CCDC171: variants seen among roughly 807,000 people sequenced by gnomAD.
The protein encoded by CCDC171 is coiled-coil domain-containing protein 171.
CCDC171 carries 177 observed loss-of-function variants against 168.2 expected under a neutral mutation model. That is an observed-to-expected ratio of 1.05 (90% CI 0.93 to 1.19). The LOEUF (loss-of-function observed/expected upper bound fraction) is 1.19. CCDC171 is among the 50% of genes most tolerant of loss of function. CCDC171 has a pLI of 0.00. For missense variants in CCDC171, 1,991 were observed against 1,539.0 expected, an observed-to-expected ratio of 1.29 and a Z score of -4.91; for synonymous variants, 687 against 540.8, an observed-to-expected ratio of 1.27 and a Z score of -3.75.
chr9:15,911,571 C>T (rs201715483), intron 24 of CCDC171, among the ~76,000 whole-genome samples: 1 of 152,092 alleles, frequency 6.6e-6, no homozygotes, highest in South Asian at 2.1e-4. Flanking sequence ...TTTGTCAATT[C>T]TGGCTTTTGT....
intron 6 of CCDC171, among the ~76,000 whole-genome samples, chr9:15,601,050 A>G (rs1048791161): frequency 1.3e-5 from 2 of 152,140 alleles, no homozygotes; most frequent in African/African-American, 4.8e-5. Context: ...TTCCTTGGCT[A>G]GGAAAGGGAA....
At chr9:15,637,376 T>A (rs973276162) in intron 7 of CCDC171, among the ~76,000 whole-genome samples, 2 of 151,980 alleles carry the variant, frequency 1.3e-5, no homozygotes, top group Non-Finnish European at 2.9e-5. Context: ...ATACTTAATT[T>A]CCTCAATATC....
At chr9:16,104,236 A>C in the CCDC171 span, among the ~76,000 whole-genome samples, 1 of 151,726 alleles carries the variant, frequency 6.6e-6, no homozygotes, top group Admixed American at 6.6e-5. Flanking sequence ...TTGTCATCCT[A>C]ATGGCACAGA....
intron 24 of CCDC171, among the ~76,000 whole-genome samples, chr9:15,916,517 T>C (rs1266261455): frequency 6.6e-6 from 1 of 152,088 alleles, no homozygotes; most frequent in Admixed American, 6.6e-5. Context: ...AAATATTTGA[T>C]ATTTTGGCAT....
chr9:15,795,782 G>A (rs1238412197), intron 21 of CCDC171, among the ~76,000 whole-genome samples: 1 of 152,188 alleles, frequency 6.6e-6, no homozygotes, highest in Non-Finnish European at 1.5e-5. Flanking sequence ...TCAGGACTGT[G>A]GGTGGGAAAA....
chr9:16,074,592 G>C, the CCDC171 span, among the ~76,000 whole-genome samples: 4 of 151,990 alleles, frequency 2.6e-5, no homozygotes, highest in East Asian at 7.7e-4. Context: ...CAAATGAGAG[G>C]GGTTCTATGA....
chr9:15,677,881 T>TTC (rs2049719419), intron 9 of CCDC171, among the ~76,000 whole-genome samples: 3 of 7,694 alleles, frequency 3.9e-4, no homozygotes, highest in Admixed American at 1.5e-3. Context: ...GTGTGTGTCA[T>TTC]ATATATATAT....
At chr9:15,711,362 C>T (rs988034861) in intron 11 of CCDC171, among the ~76,000 whole-genome samples, 2 of 151,952 alleles carry the variant, frequency 1.3e-5, no homozygotes, top group Non-Finnish European at 2.9e-5. Flanking sequence ...AGTCTTTGAC[C>T]TATATCAGTT....
chr9:16,108,190 T>C, the CCDC171 span, among the ~76,000 whole-genome samples: 1 of 152,206 alleles, frequency 6.6e-6, no homozygotes, highest in South Asian at 2.1e-4. Flanking sequence ...GTCAGTGTCA[T>C]AGGCCGAGAA....
chr9:15,846,886 C>G (rs1461973083), intron 22 of CCDC171, 39 bp downstream of exon 22: 1 of 1,551,368 alleles, frequency 6.4e-7, no homozygotes, highest in Non-Finnish European at 8.8e-7. Context: ...TTAAAACAGA[C>G]AAAAGATCAA....
intron 7 of CCDC171, among the ~76,000 whole-genome samples, chr9:15,648,473 T>A (rs1218997362): frequency 6.6e-6 from 1 of 152,194 alleles, no homozygotes; most frequent in African/African-American, 2.4e-5. Context: ...TGTTTGTAGA[T>A]GACATGATTG....
chr9:15,895,945 C>G (rs997959242), intron 24 of CCDC171, among the ~76,000 whole-genome samples: 1 of 151,936 alleles, frequency 6.6e-6, no homozygotes. Context: ...CTGACTTTTT[C>G]TAAGATTATT....
chr9:15,960,247 A>T (rs971039222), intron 25 of CCDC171, among the ~76,000 whole-genome samples: 1 of 152,228 alleles, frequency 6.6e-6, no homozygotes, highest in Non-Finnish European at 1.5e-5. Flanking sequence ...CTGGATCAGG[A>T]TGAAGATTAG....
chr9:15,583,489 T>C (rs1198547862), intron 4 of CCDC171, among the ~76,000 whole-genome samples: 2 of 151,532 alleles, frequency 1.3e-5, no homozygotes, highest in Non-Finnish European at 2.9e-5. Context: ...AATAGTGGCA[T>C]ATGCAGCAAT....
chr9:16,059,518 T>C (rs1385138794), intron 1 of CCDC171, among the ~76,000 whole-genome samples: 7 of 140,460 alleles, frequency 5.0e-5, no homozygotes, highest in Non-Finnish European at 7.7e-5. Context: ...TTTTTTTTTT[T>C]TTTTTTTGAG....
intron 24 of CCDC171, among the ~76,000 whole-genome samples, chr9:15,905,831 T>C (rs1440901431): frequency 1.3e-5 from 2 of 152,004 alleles, no homozygotes; most frequent in African/African-American, 4.8e-5. Flanking sequence ...TAAAAAATGA[T>C]AAAGGGGATA....
Position 15,666,828 on chromosome 9 carries a change from A to G in CCDC171, c.1076+505A>G, listed in dbSNP as rs571276091. ...ATTTCTAAGTCACATAAAATGGTCT[A>G]TATGAAGATGGATAATATTTGACAT... On this transcript the variant is annotated intron_variant, in intron 9 of 25. Transcript: ENST00000380701. 3.9e-5 allele frequency among the ~76,000 whole-genome samples: 6 copies of G among 152,286 alleles called. No homozygotes were observed. The South Asian group carries it at 1.0e-3, about 26-fold the overall frequency.
intron 23 of CCDC171, among the ~76,000 whole-genome samples, chr9:15,860,450 A>G (rs2061512622): frequency 6.6e-6 from 1 of 150,776 alleles, no homozygotes; most frequent in Non-Finnish European, 1.5e-5. Flanking sequence ...AAGTTTTGAT[A>G]TGTTGTATTT....
intron 6 of CCDC171, among the ~76,000 whole-genome samples, chr9:16,025,703 C>T (rs954379529): frequency 3.3e-5 from 5 of 152,188 alleles, no homozygotes; most frequent in Non-Finnish European, 7.3e-5. Flanking sequence ...AGCCCATTTA[C>T]TGTATAATTC....
Sources: allele counts gnomAD v4.1 joint callset (sites outside exome capture counted in the v4.1 genomes callset), GRCh38; gene constraint gnomAD v4.1.1; transcripts MANE v1.5; gene names NCBI Gene and HGNC (gene_info 2026-07-23, HGNC 2026-07-21).